Variants in MAN2C1 observed in about 807,000 individuals in gnomAD.
MAN2C1 encodes the protein alpha-mannosidase 2C1.
Under a neutral mutation model 126.9 loss-of-function variants are expected in MAN2C1, and 111 were observed. That is an observed-to-expected ratio of 0.87 (90% CI 0.75 to 1.02). The LOEUF (loss-of-function observed/expected upper bound fraction) is 1.02. Among genes scored for constraint, MAN2C1 ranks in the 50% least tolerant of loss-of-function variants. MAN2C1 has a pLI of 0.00. For synonymous variants in MAN2C1, 567 were observed against 561.5 expected, an observed-to-expected ratio of 1.01 and a Z score of -0.14; for missense variants, 1,363 against 1,364.4, an observed-to-expected ratio of 1.00 and a Z score of 0.02.
chr15:75,359,390 CAGG>C lies in MAN2C1; in HGVS notation c.1981_1983del (p.Pro661del), dbSNP rs2141329533. 2 of 1,609,582 alleles carry C rather than the reference CAGG, an allele frequency of 1.2e-6. No individual in the cohort carries two copies. Among genetic ancestry groups the C allele is most frequent in the East Asian group, 4.5e-5 (2 of 44,856 alleles). ...GGCTGCAGTGAGGTGGGGGGAGGAA[CAGG>C]AGCATAGCCCATGCTGGGCACTGTC... On this transcript the variant is annotated inframe_deletion, in exon 17 of 26. Transcript: ENST00000267978.
rs747996144 is a variant in MAN2C1 at position 75,360,131 on chromosome 15, G to C, written c.1665C>G (p.Ala555=). 1.2e-6 allele frequency: 2 copies of C among 1,613,718 alleles called. No homozygotes were observed. The highest frequency in any genetic ancestry group is 1.7e-6 in the Non-Finnish European group (2 of 1,180,034). The change falls in exon 14 of 26, where the codon GCC becomes GCG. Residue 555 remains alanine (A), a synonymous_variant. Transcript: ENST00000267978. ...GCTGGGCTGCTGGGTATAGGAACTG[G>C]GCACTGCGGGCCAGGGCCAGGCTAC... ...LLSSLALARS[A]QFLYPAAQLQ... is the part of the protein sequence containing the mutation.
intron 6 of MAN2C1, 174 bp downstream of exon 6, chr15:75,363,825 T>C: frequency 1.6e-6 from 1 of 639,292 alleles, no homozygotes; most frequent in East Asian, 3.0e-5. Context: ...AAAAAGTGAA[T>C]CCAAAGCAAG....
rs182211802 is a variant in MAN2C1 at position 75,356,020 on chromosome 15, C to T, written c.3009G>A (p.Leu1003=). ...PVQEAILCDL[L]ERPDPAGHLT... ...AGTGGCCAGCAGGGTCTGGTCGCTCCAAGAGATCGCAGCTGGAGAACAGGA... is the reference window on the plus strand; with the variant it reads ...AGTGGCCAGCAGGGTCTGGTCGCTCTAAGAGATCGCAGCTGGAGAACAGGA... The change falls in exon 26 of 26, where the codon TTG becomes TTA. Residue 1003 remains leucine (L), a synonymous_variant. Transcript: ENST00000267978. The surrounding 1 kb of genome is among the most constrained non-coding windows in gnomAD (Gnocchi z 5.8). The T allele has an allele frequency of 1.5e-5, 25 of 1,613,948 alleles. No individual in the cohort carries two copies. In the Admixed American group the frequency reaches 3.3e-4, roughly 22 times the overall value.
chr15:75,368,566 GGCCGGCGCAGCC>G lies in MAN2C1; in HGVS notation c.6_17del (p.Ala3_Ala6del). 1 of 1,547,232 alleles carries G rather than the reference GGCCGGCGCAGCC, an allele frequency of 6.5e-7. No homozygotes were observed. Among genetic ancestry groups the G allele is most frequent in the East Asian group, 2.4e-5 (1 of 41,002 alleles). On this transcript the variant is annotated inframe_deletion, in exon 1 of 26. Transcript: ENST00000267978. ...CCAGCGTGGTGCGCCAGTGCTTCAAGGCCGGCGCAGCCGCCATCGCCGGGCTCTCGCTCCTCT... is the reference window on the plus strand; with the variant it reads ...CCAGCGTGGTGCGCCAGTGCTTCAAGGCCATCGCCGGGCTCTCGCTCCTCT...
chr15:75,365,806 C>T (rs1177917297), intron 4 of MAN2C1: 1 of 269,762 alleles, frequency 3.7e-6, no homozygotes, highest in Non-Finnish European at 7.5e-6. Flanking sequence ...AATACTGGGC[C>T]AGGTGCGGTG....
chr15:75,360,914 G>T, intron 12 of MAN2C1, 132 bp downstream of exon 12: 2 of 1,296,316 alleles, frequency 1.5e-6, no homozygotes, highest in East Asian at 2.5e-5. Context: ...GTGGAAGTTT[G>T]GAGGAACCCG....
Position 75,368,486 on chromosome 15 carries a change from C to T in MAN2C1, c.98G>A (p.Gly33Asp). 6.4e-7 allele frequency: 1 copy of T among 1,551,286 alleles called. No homozygotes were observed. The highest frequency in any genetic ancestry group is 8.7e-7 in the Non-Finnish European group (1 of 1,147,362). The stretch of plus-strand genomic sequence containing the variant: ...TGCGGGGGACCAGGGGCCACACCTG[C>T]CGCGGAGGTTACAGTCGGTAAAGTA... ...PLYFTDCNLRGRLFGASCPVA... is the reference protein window; with the variant it reads ...PLYFTDCNLRDRLFGASCPVA... Residue 33 changes from glycine (G) to aspartate (D), a missense_variant, in exon 1 of 26, where the codon GGC (glycine) becomes GAC (aspartate). Around this residue, in one of 3 missense-constraint regions of MAN2C1, gnomAD observed 628 missense variants for 609.8 expected, o/e 1.03. Coordinates refer to ENST00000267978, the MANE Select transcript of MAN2C1 (RefSeq NM_006715.4).
rs531033902 is a variant in MAN2C1 at position 75,363,900 on chromosome 15, G to C, written c.790+99C>G. ...CGGGGAAAACGCAGGTCCAAGAGGAGCAAGAACTTGCTGAGCATCACACAG... is the reference window on the plus strand; with the variant it reads ...CGGGGAAAACGCAGGTCCAAGAGGACCAAGAACTTGCTGAGCATCACACAG... On this transcript the variant is annotated intron_variant, in intron 6 of 25. Transcript: ENST00000267978. The C allele has an allele frequency of 2.1e-5, 28 of 1,344,690 alleles. No homozygotes were observed. The South Asian group carries it at 3.1e-4, about 15-fold the overall frequency. The allele number at this position is 1,344,690 out of a possible 1,614,324, so 83.3% of individuals were successfully genotyped here. A position where few individuals can be genotyped will look rare whatever the true frequency, so the allele number is the denominator to read the frequency against.
At position 75,359,170 on chromosome 15, in the gene MAN2C1, C is replaced by T; in HGVS notation, c.2047-17G>A. On this transcript the variant is annotated splice_polypyrimidine_tract_variant and intron_variant, in intron 17 of 25. Coordinates refer to ENST00000267978, the MANE Select transcript of MAN2C1 (RefSeq NM_006715.4). ...GCCATCAGTCTTTGTGGGAGGAGGC[C>T]TTGAGGCTGAGTCTGTAGGGGCTTC... is the stretch of plus-strand genomic sequence containing the variant. The T allele has an allele frequency of 6.2e-7, 1 of 1,613,672 alleles. No individual in the cohort carries two copies.
chr15:75,360,829 C>T (rs566436243), intron 12 of MAN2C1, 141 bp from the exon 13 acceptor site: 26 of 1,246,774 alleles, frequency 2.1e-5, no homozygotes, highest in South Asian at 1.2e-4. Flanking sequence ...CAGCCCTGGA[C>T]GCCCTAGGAG....
At chr15:75,359,256 G>T (rs927103809) in intron 17 of MAN2C1, 72 bp downstream of exon 17, 26 of 1,593,496 alleles carry the variant, frequency 1.6e-5, no homozygotes, top group Non-Finnish European at 2.1e-5. Context: ...TCCAGACAGG[G>T]GAGCTCAGGA....
chr15:75,368,122 C>A lies in MAN2C1; in HGVS notation c.178G>T (p.Val60Phe), dbSNP rs759780316. 2.5e-6 allele frequency: 4 copies of A among 1,607,114 alleles called. No individual in the cohort carries two copies. The highest frequency in any genetic ancestry group is 1.7e-6 in the Non-Finnish European group (2 of 1,177,708). Residue 60 changes from valine (V) to phenylalanine (F), a missense_variant, in exon 2 of 26, where the codon GTC (valine) becomes TTC (phenylalanine). Physicochemically the swap from Val to Phe is conservative, Grantham distance 50. This residue lies in a region of MAN2C1 where 628 missense variants were observed against 609.8 expected (regional missense o/e 1.03). Transcript: ENST00000267978. ...TGCGCGGGGCGGAAGTCCCGCTGGACTGCCTCCTGGTAGGGAAGTCTCTCC... is the reference window on the plus strand; with the variant it reads ...TGCGCGGGGCGGAAGTCCCGCTGGAATGCCTCCTGGTAGGGAAGTCTCTCC... Reference protein sequence around the residue: ...TPERLPYQEAVQRDFRPAQVG... With the variant: ...TPERLPYQEAFQRDFRPAQVG...
chr15:75,360,370 C>G, intron 13 of MAN2C1, 159 bp from the exon 14 acceptor site: 1 of 1,306,776 alleles, frequency 7.7e-7, no homozygotes, highest in Non-Finnish European at 1.0e-6. Flanking sequence ...CTCTTCTCCC[C>G]GCAGCCCAAA....
rs770032253 is a variant in MAN2C1, at chr15:75,363,989, G to A, written c.790+10C>T. ...GCTTCCCCAGCCAGCCCAACCAGCT[G>A]CTGTCCTACCTGTATCAATGTGGCA... On this transcript the variant is annotated intron_variant, in intron 6 of 25. Coordinates refer to ENST00000267978, the MANE Select transcript of MAN2C1 (RefSeq NM_006715.4). The A allele has an allele frequency of 6.2e-7, 1 of 1,612,784 alleles. No individual in the cohort carries two copies. Among genetic ancestry groups the A allele is most frequent in the Admixed American group, 1.7e-5 (1 of 59,508 alleles).
intron 3 of MAN2C1, among the ~76,000 whole-genome samples, 192 bp downstream of exon 3, chr15:75,367,319 A>G (rs1031897345): frequency 1.3e-5 from 2 of 152,192 alleles, no homozygotes; most frequent in Non-Finnish European, 2.9e-5. Context: ...ATAAGTTTGT[A>G]TTATACACAA....
chr15:75,359,887 CTA>C lies in MAN2C1; in HGVS notation c.1792+14_1792+15del. The C allele has an allele frequency of 6.2e-7, 1 of 1,611,626 alleles. No homozygotes were observed. The highest frequency in any genetic ancestry group is 8.5e-7 in the Non-Finnish European group (1 of 1,178,718). ...CTGGGGTTGGAGAGAGCAGGCAGGA[CTA>C]TTGTGAGCCTAACCTTCATAATGGC... On this transcript the variant is annotated intron_variant, in intron 15 of 25. Transcript: ENST00000267978.
At position 75,368,595 on chromosome 15, in the gene MAN2C1, C is replaced by G. The variant is rs915303758; in HGVS notation, c.-12G>C. The stretch of plus-strand genomic sequence containing the variant: ...GGCGCAGCCGCCATCGCCGGGCTCT[C>G]GCTCCTCTTTCCGGAAGGCCCCTGG... On this transcript the variant is annotated 5_prime_UTR_variant, in exon 1 of 26. Transcript: ENST00000267978. The G allele has an allele frequency of 6.5e-7, 1 of 1,534,154 alleles. No homozygotes were observed. Among genetic ancestry groups the G allele is most frequent in the Non-Finnish European group, 8.8e-7 (1 of 1,139,532 alleles).
chr15:75,367,679 C>G, intron 2 of MAN2C1, 45 bp from the exon 3 acceptor site: 1 of 1,608,142 alleles, frequency 6.2e-7, no homozygotes, highest in Non-Finnish European at 8.5e-7. Context: ...GAAGTCCTAT[C>G]CTGATATCCT....
chr15:75,367,551 T>C lies in MAN2C1; in HGVS notation c.311A>G (p.Asp104Gly), dbSNP rs1274874719. 1.2e-6 allele frequency: 2 copies of C among 1,614,158 alleles called. No homozygotes were observed. Among genetic ancestry groups the C allele is most frequent in the East Asian group, 2.2e-5 (1 of 44,886 alleles). Reference sequence around the variant, plus strand: ...ATCACGCCACACCAGACCTTCTCCATCACTTTCCCAGCAAAGGTGAACTTC... The same window carrying C: ...ATCACGCCACACCAGACCTTCTCCACCACTTTCCCAGCAAAGGTGAACTTC... ...GQEVHLCWES[D>G]GEGLVWRDGE... The change falls in exon 3 of 26, where the codon GAT (aspartate) becomes GGT (glycine). Residue 104 changes from aspartate (D) to glycine (G), a missense_variant. This residue lies in a region of MAN2C1 where 628 missense variants were observed against 609.8 expected (regional missense o/e 1.03). Coordinates refer to ENST00000267978, the MANE Select transcript of MAN2C1 (RefSeq NM_006715.4).
Sources: gnomAD v4.1 joint callset for allele counts (sites outside exome capture counted in the v4.1 genomes callset) on GRCh38, gnomAD v4.1.1 for gene constraint, gnomAD v4.1.1 regional missense constraint, Gnocchi (gnomAD v3.1) non-coding constraint, MANE v1.5 for transcripts, NCBI Gene and HGNC (gene_info 2026-07-23, HGNC 2026-07-21) for gene names.